The following C4orf51 variants were observed in gnomAD, a reference collection of about 807,000 sequenced individuals.
The protein encoded by C4orf51 is uncharacterized protein C4orf51.
Under a neutral mutation model 25.2 loss-of-function variants are expected in C4orf51, and 25 were observed. The observed-to-expected ratio is 0.99, with a 90% CI of 0.72 to 1.39. The LOEUF (loss-of-function observed/expected upper bound fraction) is 1.39. Ranked by LOEUF, C4orf51 falls within the 40% of genes most tolerant of loss-of-function variation. C4orf51 has a pLI of 0.00. For missense variants in C4orf51, 252 were observed against 239.6 expected (o/e 1.05, Z -0.34); for synonymous variants, 100 against 84.5 (o/e 1.18, Z -1.01).
At chr4:145,751,798 T>G (rs137860822) in intron 1 of C4orf51, among the ~76,000 whole-genome samples, 1 of 152,314 alleles carries the variant, frequency 6.6e-6, no homozygotes, top group African/African-American at 2.4e-5. Flanking sequence ...TCAAAAACTT[T>G]AGAAATCTGC....
intron 2 of C4orf51, among the ~76,000 whole-genome samples, chr4:145,718,715 CT>C (rs1731553189): frequency 6.6e-6 from 1 of 152,210 alleles, no homozygotes. Context: ...CGAATGTGAC[CT>C]TGCCTATCTT....
rs568962349 is a variant in C4orf51 at position 145,687,331 on chromosome 4, T to C, written c.233+6895T>C. ...CCAATGTACTTCTTATATATATTGATTGATGTCTCATGTTTTCCTAAAATG... is the reference window on the plus strand; with the variant it reads ...CCAATGTACTTCTTATATATATTGACTGATGTCTCATGTTTTCCTAAAATG... On this transcript the variant is annotated intron_variant, in intron 1 of 5. Coordinates refer to ENST00000438731, the MANE Select transcript of C4orf51 (RefSeq NM_001080531.3). 4.6e-5 allele frequency among the ~76,000 whole-genome samples: 7 copies of C among 152,346 alleles called. No individual in the cohort carries two copies. In the South Asian group the frequency reaches 8.3e-4, roughly 18 times the overall value.
At chr4:145,752,849 C>T (rs1451188685) in intron 1 of C4orf51, among the ~76,000 whole-genome samples, 6 of 152,198 alleles carry the variant, frequency 3.9e-5, no homozygotes, top group Non-Finnish European at 8.8e-5. Context: ...CTGGCTAGGG[C>T]TGTTCTAAAT....
chr4:145,739,107 C>T (rs1037487130), intron 1 of C4orf51, among the ~76,000 whole-genome samples: 4 of 152,172 alleles, frequency 2.6e-5, no homozygotes, highest in African/African-American at 9.7e-5. Context: ...TGTTTCTCTA[C>T]AACTCTCTTT....
the C4orf51 span, among the ~76,000 whole-genome samples, chr4:145,780,396 G>C: frequency 1.3e-5 from 2 of 152,164 alleles, no homozygotes; most frequent in Non-Finnish European, 2.9e-5. Flanking sequence ...CACACGCTGT[G>C]CCACAGAAAA....
chr4:145,764,859 C>G (rs751332719), intron 1 of C4orf51: 1 of 1,293,518 alleles, frequency 7.7e-7, no homozygotes, highest in African/African-American at 1.5e-5. Context: ...GGGTTCCTGA[C>G]TAACTCCTCT....
At chr4:145,726,375 TC>T (rs1452721741) in intron 2 of C4orf51, among the ~76,000 whole-genome samples, 1 of 152,184 alleles carries the variant, frequency 6.6e-6, no homozygotes, top group Non-Finnish European at 1.5e-5. Flanking sequence ...CAGAGATATT[TC>T]AAATAAAAAA....
downstream of C4orf51, among the ~76,000 whole-genome samples, chr4:145,771,640 G>A (rs1189211322): frequency 6.6e-6 from 1 of 152,172 alleles, no homozygotes; most frequent in Non-Finnish European, 1.5e-5. Context: ...AAGCGGAAAT[G>A]CCTAATGAGA....
chr4:145,754,038 G>T (rs1163418927), intron 1 of C4orf51, among the ~76,000 whole-genome samples: 5 of 152,196 alleles, frequency 3.3e-5, no homozygotes, highest in African/African-American at 7.2e-5. Context: ...AGAGTAGGGG[G>T]CCAGGAGTGG....
chr4:145,694,053 C>CACCTCCCAG (rs1365214893), intron 1 of C4orf51, among the ~76,000 whole-genome samples: 3 of 142,262 alleles, frequency 2.1e-5, no homozygotes, highest in Non-Finnish European at 3.1e-5. Context: ...AGACGCTCCT[C>CACCTCCCAG]ACCTCCCAGA....
intron 3 of C4orf51, among the ~76,000 whole-genome samples, chr4:145,727,962 TATATA>T (rs369802651): frequency 0.17 from 21,094 of 126,272 alleles, 2,047 homozygotes; most frequent in East Asian, 0.26. Context: ...AATAATATAA[TATATA>T]ATATAATATA....
chr4:145,755,998 T>C (rs1467042952), downstream of C4orf51, among the ~76,000 whole-genome samples: 2 of 152,222 alleles, frequency 1.3e-5, no homozygotes, highest in Non-Finnish European at 2.9e-5. Context: ...CCCGCTTCCA[T>C]CTCTCACTAA....
At chr4:145,696,502 C>T in intron 1 of C4orf51, 57 bp from the exon 2 acceptor site, 1 of 1,369,688 alleles carries the variant, frequency 7.3e-7, no homozygotes, top group Non-Finnish European at 1.0e-6. Context: ...CCACAGGCTT[C>T]ATGTGATTTA....
rs1190872870 is a variant in C4orf51 at position 145,696,602 on chromosome 4, G to A, written c.277G>A (p.Ala93Thr). 6.2e-7 allele frequency: 1 copy of A among 1,613,786 alleles called. No homozygotes were observed. ...TTCTGCCTGTCATCTTCTCTGCTGGGCTGGTACCCAAGAGACTACAGATAT... is the reference window on the plus strand; with the variant it reads ...TTCTGCCTGTCATCTTCTCTGCTGGACTGGTACCCAAGAGACTACAGATAT... Reference protein sequence around the residue: ...NSSACHLLCWAGTQETTDIKG... With the variant: ...NSSACHLLCWTGTQETTDIKG... The change falls in exon 2 of 6, where the codon GCT (alanine) becomes ACT (threonine). Residue 93 changes from alanine to threonine, a missense_variant. Transcript: ENST00000438731.
the C4orf51 span, among the ~76,000 whole-genome samples, chr4:145,789,801 AAAG>A: frequency 5.2e-3 from 797 of 152,358 alleles, 6 homozygotes; most frequent in African/African-American, 0.018. Context: ...CACCAACCAT[AAAG>A]AAGAAGCATC....
In C4orf51 at chr4:145,761,906, C is replaced by T. The variant is rs1340569267; in HGVS notation, n.167-9082C>T. 6.6e-6 allele frequency among the ~76,000 whole-genome samples: 1 copy of T among 152,200 alleles called. No individual in the cohort carries two copies. Among genetic ancestry groups the T allele is most frequent in the Non-Finnish European group, 1.5e-5 (1 of 68,032 alleles). ...AGAGAAAGTGCCAGGAATCAATTTG[C>T]TGGTGCTCCCCTCCAGCCCCCGCCC... is the stretch of plus-strand genomic sequence containing the variant. On this transcript the variant is annotated intron_variant and non_coding_transcript_variant, in intron 1 of 1. Coordinates refer to the C4orf51 transcript ENST00000510096. This position sits in a 1 kb window ranked among gnomAD's most constrained non-coding sequence, Gnocchi z 6.8.
intron 1 of C4orf51, chr4:145,760,720 GTT>G (rs10715391): frequency 0.088 from 60,917 of 694,084 alleles, 13 homozygotes; most frequent in Non-Finnish European, 0.096. Flanking sequence ...AAGTTTTGTG[GTT>G]TTTTTTTTTT....
intron 1 of C4orf51, among the ~76,000 whole-genome samples, chr4:145,748,857 A>C: frequency 6.6e-6 from 1 of 152,064 alleles, no homozygotes; most frequent in East Asian, 1.9e-4. Flanking sequence ...ATTGGATATA[A>C]TGTTCTATAA....
chr4:145,720,617 C>A (rs769193408), intron 2 of C4orf51, among the ~76,000 whole-genome samples: 2 of 152,202 alleles, frequency 1.3e-5, no homozygotes, highest in Non-Finnish European at 2.9e-5. Flanking sequence ...GATTGCCTAG[C>A]AGAGACTGAT....
Sources: allele counts gnomAD v4.1 joint callset (sites outside exome capture counted in the v4.1 genomes callset), GRCh38; gene constraint gnomAD v4.1.1; non-coding constraint Gnocchi (gnomAD v3.1); transcripts MANE v1.5; gene names NCBI Gene and HGNC (gene_info 2026-07-23, HGNC 2026-07-21).